The following CCSER1 variants were observed in gnomAD, a reference collection of about 807,000 sequenced individuals.
CCSER1 encodes coiled-coil serine rich protein 1.
In CCSER1, 41 loss-of-function variants were observed where a neutral mutation model predicts 82.0. The observed-to-expected ratio is 0.50, with a 90% CI of 0.39 to 0.65. The LOEUF (loss-of-function observed/expected upper bound fraction) is 0.65. Ranked by LOEUF, CCSER1 falls within the 30% of genes least tolerant of loss-of-function variation. The pLI is 0.00. For synonymous variants in CCSER1, 414 were observed against 383.9 expected (o/e 1.08, Z -0.92); for missense variants, 1,119 against 1,064.2 (o/e 1.05, Z -0.72).
intron 10 of CCSER1, among the ~76,000 whole-genome samples, chr4:91,570,907 C>T (rs1763144421): frequency 1.3e-5 from 2 of 152,194 alleles, no homozygotes; most frequent in South Asian, 4.1e-4. Context: ...GCATATTTTC[C>T]AAACTTTTAT....
intron 4 of CCSER1, among the ~76,000 whole-genome samples, chr4:90,460,915 C>T (rs1179584046): frequency 6.6e-6 from 1 of 152,056 alleles, no homozygotes; most frequent in African/African-American, 2.4e-5. Context: ...ACTCTGCACT[C>T]GACTTTTTCC....
chr4:91,100,172 A>G (rs1675096739), intron 10 of CCSER1, among the ~76,000 whole-genome samples: 1 of 147,282 alleles, frequency 6.8e-6, no homozygotes, highest in African/African-American at 2.5e-5. Flanking sequence ...GACCCTTTAT[A>G]TAGGAATTTG....
intron 5 of CCSER1, among the ~76,000 whole-genome samples, chr4:90,500,472 C>T (rs1446923170): frequency 2.0e-5 from 3 of 152,006 alleles, no homozygotes; most frequent in African/African-American, 7.2e-5. Context: ...GCTGGAATTA[C>T]ACACGTGTGC....
intron 5 of CCSER1, among the ~76,000 whole-genome samples, chr4:90,582,935 T>C (rs1469609433): frequency 6.6e-6 from 1 of 152,216 alleles, no homozygotes; most frequent in Non-Finnish European, 1.5e-5. Context: ...ATTACTTGTA[T>C]TGATATACTG....
chr4:91,457,445 C>T (rs901846659), intron 10 of CCSER1, among the ~76,000 whole-genome samples: 1 of 151,952 alleles, frequency 6.6e-6, no homozygotes. Flanking sequence ...GACAGGAGAT[C>T]ACTTGAGCCA....
At chr4:90,450,855 G>C (rs543039360) in intron 4 of CCSER1, among the ~76,000 whole-genome samples, 1 of 152,248 alleles carries the variant, frequency 6.6e-6, no homozygotes, top group South Asian at 2.1e-4. Flanking sequence ...GTTGCAAATG[G>C]GCCAAATAAG....
At position 90,233,899 on chromosome 4, in the gene CCSER1, C is replaced by G. The variant is rs142781715; in HGVS notation, c.-41-74345C>G. Among the ~76,000 whole-genome samples the G allele has an allele frequency of 1.4e-4, 21 of 152,162 alleles. No homozygotes were observed. The East Asian group carries it at 3.3e-3, about 24-fold the overall frequency. ...AATAATAAAAATCATTTATTGGACA[C>G]AATTAAATTATGCCTTTCTTACATA... On this transcript the variant is annotated intron_variant, in intron 1 of 10. Transcript: ENST00000509176.
chr4:90,587,439 A>G (rs1194837319), intron 5 of CCSER1, among the ~76,000 whole-genome samples: 3 of 152,124 alleles, frequency 2.0e-5, no homozygotes, highest in East Asian at 1.9e-4. Flanking sequence ...GTGAAACCCC[A>G]TCTCTACTAA....
At chr4:91,567,527 A>C (rs1445459960) in intron 10 of CCSER1, among the ~76,000 whole-genome samples, 1 of 151,912 alleles carries the variant, frequency 6.6e-6, no homozygotes, top group African/African-American at 2.4e-5. Flanking sequence ...CTCTTTGTAG[A>C]TCTCTAAGAA....
At chr4:90,284,312 A>C (rs532478117) in intron 1 of CCSER1, among the ~76,000 whole-genome samples, 59 of 152,194 alleles carry the variant, frequency 3.9e-4, no homozygotes, top group African/African-American at 1.2e-3. Flanking sequence ...TGCTATGCAC[A>C]AGCAAGCTTT....
intron 10 of CCSER1, among the ~76,000 whole-genome samples, chr4:91,315,150 AGTGTGTGT>A (rs67135461): frequency 0.073 from 10,912 of 149,636 alleles, 491 homozygotes; most frequent in East Asian, 0.18. Context: ...CGTGTGTGCA[AGTGTGTGT>A]GTGTGTGTGT....
chr4:90,910,079 C>T (rs1726100208), intron 8 of CCSER1, among the ~76,000 whole-genome samples: 1 of 152,088 alleles, frequency 6.6e-6, no homozygotes, highest in Admixed American at 6.6e-5. Context: ...AAGTAAGCAC[C>T]TTCTTCACAT....
chr4:90,875,942 A>G (rs985573338), intron 8 of CCSER1, among the ~76,000 whole-genome samples: 1 of 152,216 alleles, frequency 6.6e-6, no homozygotes, highest in African/African-American at 2.4e-5. Flanking sequence ...AAAGCAGCCT[A>G]TAAATTCTTA....
intron 8 of CCSER1, among the ~76,000 whole-genome samples, chr4:90,816,859 T>C (rs1413192528): frequency 6.6e-6 from 1 of 152,116 alleles, no homozygotes; most frequent in East Asian, 1.9e-4. Context: ...CAGAGCATAG[T>C]TTATAGACTC....
chr4:90,255,009 ACG>A (rs941879248), intron 1 of CCSER1, among the ~76,000 whole-genome samples: 1 of 150,472 alleles, frequency 6.6e-6, no homozygotes, highest in African/African-American at 2.5e-5. Flanking sequence ...ACACACACAC[ACG>A]CACACTTTAT....
intron 7 of CCSER1, among the ~76,000 whole-genome samples, chr4:90,777,169 C>T (rs957675816): frequency 1.3e-5 from 2 of 151,840 alleles, no homozygotes; most frequent in African/African-American, 4.8e-5. Context: ...CCAGCCCAGC[C>T]AACATGGTGA....
At chr4:90,749,455 C>T (rs9760756) in intron 7 of CCSER1, among the ~76,000 whole-genome samples, 39,938 of 151,018 alleles carry the variant, frequency 0.26, 5,943 homozygotes, top group East Asian at 0.33. Flanking sequence ...GTAGTATAGT[C>T]TGAAGTCAGG....
chr4:91,072,107 T>G (rs1220485913), intron 9 of CCSER1, among the ~76,000 whole-genome samples: 1 of 152,098 alleles, frequency 6.6e-6, no homozygotes, highest in Admixed American at 6.6e-5. Context: ...TCATAAAATA[T>G]GATGACCCAA....
intron 8 of CCSER1, among the ~76,000 whole-genome samples, chr4:90,918,075 G>A (rs1334605669): frequency 6.6e-6 from 1 of 151,896 alleles, no homozygotes; most frequent in African/African-American, 2.4e-5. Flanking sequence ...ATTTTGGATA[G>A]CAACCAAATG....
Sources: gnomAD v4.1 joint callset for allele counts (sites outside exome capture counted in the v4.1 genomes callset) on GRCh38, gnomAD v4.1.1 for gene constraint, MANE v1.5 for transcripts, NCBI Gene and HGNC (gene_info 2026-07-23, HGNC 2026-07-21) for gene names.